The following INPP5A variants were observed in gnomAD, a reference collection of about 807,000 sequenced individuals.
The protein encoded by INPP5A is inositol polyphosphate-5-phosphatase A, also known as 43 kDa inositol polyphosphate 5-phophatase.
Under a neutral mutation model 65.2 loss-of-function variants are expected in INPP5A, and 14 were observed. The observed-to-expected ratio is 0.21, with a 90% CI of 0.14 to 0.34. The LOEUF (loss-of-function observed/expected upper bound fraction) is 0.34, where lower values mean the gene tolerates loss of function less well. Ranked by LOEUF, INPP5A falls within the 10% of genes least tolerant of loss-of-function variation. INPP5A has a pLI of 1.00. For synonymous variants in INPP5A, 207 were observed against 208.3 expected (o/e 0.99, Z 0.05); for missense variants, 431 against 545.6 (o/e 0.79, Z 2.09).
At chr10:132,540,151 G>A (rs934351997) in intron 1 of INPP5A, among the ~76,000 whole-genome samples, 1 of 152,210 alleles carries the variant, frequency 6.6e-6, no homozygotes, top group South Asian at 2.1e-4. Context: ...AATGTCAGGA[G>A]CATTAAGCTT....
intron 1 of INPP5A, among the ~76,000 whole-genome samples, chr10:132,588,543 G>A (rs984024660): frequency 4.6e-5 from 7 of 152,250 alleles, no homozygotes; most frequent in Admixed American, 1.3e-4. Context: ...AGGGATAAGC[G>A]AGTCGTGCGG....
chr10:132,693,831 T>C (rs1845305589), intron 5 of INPP5A, among the ~76,000 whole-genome samples: 1 of 152,110 alleles, frequency 6.6e-6, no homozygotes, highest in Non-Finnish European at 1.5e-5. Context: ...CAAGAATACA[T>C]AACAATCCTT....
chr10:132,692,204 C>T (rs544673839), intron 5 of INPP5A, among the ~76,000 whole-genome samples: 31 of 152,198 alleles, frequency 2.0e-4, no homozygotes, highest in Middle Eastern at 3.4e-3. Flanking sequence ...AGGGAAGAAT[C>T]AGCGAGCTGG....
rs926991039 is a variant in INPP5A at position 132,705,849 on chromosome 10, G to T, written c.475-2464G>T. 1.5e-4 allele frequency among the ~76,000 whole-genome samples: 23 copies of T among 152,124 alleles called. No homozygotes were observed. Among genetic ancestry groups the T allele is most frequent in the Admixed American group, 1.0e-3 (16 of 15,280 alleles). The stretch of plus-strand genomic sequence containing the variant: ...ATGGAACTGCACAGGTGAGGAGGGG[G>T]CGCCTCTCACTCCCCAGGAGACTGC... On this transcript the variant is annotated intron_variant, in intron 6 of 15. Coordinates refer to ENST00000368594, the MANE Select transcript of INPP5A (RefSeq NM_005539.5). The surrounding 1 kb of genome is among the most constrained non-coding windows in gnomAD (Gnocchi z 4.9).
At chr10:132,739,610 G>A (rs564805659) in intron 9 of INPP5A, among the ~76,000 whole-genome samples, 3 of 152,352 alleles carry the variant, frequency 2.0e-5, no homozygotes, top group Middle Eastern at 3.4e-3. Context: ...GGGACGCAGC[G>A]CTCTCTGGCC....
At chr10:132,729,807 G>A (rs573486682) in intron 9 of INPP5A, among the ~76,000 whole-genome samples, 49 of 152,334 alleles carry the variant, frequency 3.2e-4, no homozygotes, top group Non-Finnish European at 4.6e-4. Context: ...TCAAACTACA[G>A]AGGACGGGAA....
intron 8 of INPP5A, among the ~76,000 whole-genome samples, chr10:132,722,102 A>C (rs1227457253): frequency 2.0e-5 from 3 of 152,188 alleles, no homozygotes; most frequent in Non-Finnish European, 4.4e-5. Context: ...AAATATTCTC[A>C]GTAGTTTTAG....
intron 6 of INPP5A, among the ~76,000 whole-genome samples, chr10:132,701,891 C>G (rs1845443561): frequency 6.6e-6 from 1 of 152,244 alleles, no homozygotes; most frequent in Admixed American, 6.5e-5. Flanking sequence ...TGGAGGTCTT[C>G]AGGCCCCAGT....
chr10:132,718,558 GTCT>G (rs1212325057), intron 8 of INPP5A, among the ~76,000 whole-genome samples: 1 of 149,732 alleles, frequency 6.7e-6, no homozygotes, highest in Non-Finnish European at 1.5e-5. Context: ...TTAGACGACT[GTCT>G]TCAGGGTTCT....
At chr10:132,570,079 C>T (rs1263600475) in intron 1 of INPP5A, among the ~76,000 whole-genome samples, 5 of 131,884 alleles carry the variant, frequency 3.8e-5, no homozygotes, top group Non-Finnish European at 3.2e-5. Context: ...AGATTACAGG[C>T]GTGAGCCACC....
intron 2 of INPP5A, among the ~76,000 whole-genome samples, chr10:132,612,297 G>T (rs955822864): frequency 2.6e-4 from 40 of 152,036 alleles, no homozygotes; most frequent in African/African-American, 8.9e-4. Flanking sequence ...TGAGGGAGGT[G>T]AGGAGTTCAT....
At chr10:132,684,228 T>C (rs1230298681) in intron 4 of INPP5A, among the ~76,000 whole-genome samples, 1 of 152,218 alleles carries the variant, frequency 6.6e-6, no homozygotes, top group East Asian at 1.9e-4. Flanking sequence ...CAAATTTGAT[T>C]TACCCATTTG....
At position 132,741,834 on chromosome 10, in the gene INPP5A, G is replaced by A. The variant is rs940270114; in HGVS notation, c.733-7683G>A. Among the ~76,000 whole-genome samples the A allele has an allele frequency of 4.6e-5, 7 of 151,970 alleles. No individual in the cohort carries two copies. Among genetic ancestry groups the A allele is most frequent in the South Asian group, 2.1e-4 (1 of 4,804 alleles). On this transcript the variant is annotated intron_variant, in intron 9 of 15. Coordinates refer to ENST00000368594, the MANE Select transcript of INPP5A (RefSeq NM_005539.5). The surrounding 1 kb of genome is among the most constrained non-coding windows in gnomAD (Gnocchi z 4.4). ...AACTGAGGTGGACGTTGGCGTCCGC[G>A]TCTGCTTGCTTTACTCCATAGCTGA... is the stretch of plus-strand genomic sequence containing the variant.
At position 132,769,810 on chromosome 10, in the gene INPP5A, C is replaced by CCCG. The variant is rs11442789; in HGVS notation, c.977+3964_977+3965insCCG. ...CCCCCACCCCGTAGCTCCCCCCCCC[C>CCCG]AAGTTCCTGATACGTGTGGCTCCCG... On this transcript the variant is annotated intron_variant, in intron 12 of 15. Transcript: ENST00000368594. 1.1e-3 allele frequency among the ~76,000 whole-genome samples: 166 copies of CCCG among 151,118 alleles called. 1 individual carries two copies. The highest frequency in any genetic ancestry group is 3.9e-3 in the African/African-American group (160 of 41,066).
chr10:132,763,131 G>T lies in INPP5A; in HGVS notation c.904-2642G>T, dbSNP rs762892716. Among the ~76,000 whole-genome samples the T allele has an allele frequency of 3.3e-5, 5 of 152,356 alleles. No individual in the cohort carries two copies. In the South Asian group the frequency reaches 6.2e-4, roughly 19 times the overall value. On this transcript the variant is annotated intron_variant, in intron 11 of 15. Coordinates refer to ENST00000368594, the MANE Select transcript of INPP5A (RefSeq NM_005539.5). ...CCTTCCTGAAATCTCGAAACATGTT[G>T]TATCATAGAGATTCAGGGAACCTGC...
chr10:132,554,091 C>T (rs981894300), intron 1 of INPP5A, among the ~76,000 whole-genome samples: 1 of 151,150 alleles, frequency 6.6e-6, no homozygotes, highest in Admixed American at 6.6e-5. Context: ...TTCTCAGAGC[C>T]TTGGTGGAAT....
At chr10:132,648,536 G>T (rs774738363) in intron 3 of INPP5A, among the ~76,000 whole-genome samples, 50 of 152,288 alleles carry the variant, frequency 3.3e-4, no homozygotes, top group Admixed American at 9.8e-4. Context: ...CCTGAAGAAC[G>T]TTCTTTAACA....
chr10:132,636,263 G>A (rs930485155), intron 2 of INPP5A, among the ~76,000 whole-genome samples: 9 of 151,958 alleles, frequency 5.9e-5, no homozygotes, highest in African/African-American at 1.2e-4. Context: ...TTGCAGCAAC[G>A]TGGATAGAAC....
intron 6 of INPP5A, among the ~76,000 whole-genome samples, chr10:132,703,767 CA>C (rs1438189181): frequency 3.9e-5 from 3 of 76,860 alleles, no homozygotes; most frequent in East Asian, 5.3e-4. Context: ...TCACCCCCCC[CA>C]CACACACACA....
Sources: allele counts gnomAD v4.1 joint callset (sites outside exome capture counted in the v4.1 genomes callset), GRCh38; gene constraint gnomAD v4.1.1; non-coding constraint Gnocchi (gnomAD v3.1); transcripts MANE v1.5; gene names NCBI Gene and HGNC (gene_info 2026-07-23, HGNC 2026-07-21).